The following SGCZ variants were observed in gnomAD, a reference collection of about 807,000 sequenced individuals.
SGCZ encodes sarcoglycan zeta.
SGCZ carries 40 observed loss-of-function variants against 41.3 expected under a neutral mutation model. The ratio of observed to expected loss-of-function variants is 0.97; its 90% CI spans 0.75 to 1.26. The LOEUF (loss-of-function observed/expected upper bound fraction) is 1.26. SGCZ is among the 50% of genes most tolerant of loss of function. The pLI is 0.00. For synonymous variants in SGCZ, 206 were observed against 137.5 expected, an observed-to-expected ratio of 1.50 and a Z score of -3.49; for missense variants, 552 against 369.8, an observed-to-expected ratio of 1.49 and a Z score of -4.04.
intron 1 of SGCZ, among the ~76,000 whole-genome samples, chr8:14,822,417 G>C (rs1481229143): frequency 6.6e-6 from 1 of 152,026 alleles, no homozygotes; most frequent in East Asian, 1.9e-4. Flanking sequence ...ACCACCCAAA[G>C]TGATCTACAA....
At chr8:14,264,328 G>C (rs1365294529) in intron 3 of SGCZ, among the ~76,000 whole-genome samples, 2 of 152,132 alleles carry the variant, frequency 1.3e-5, no homozygotes, top group African/African-American at 2.4e-5. Flanking sequence ...CCAGCATCGG[G>C]TCCTTCACAA....
chr8:14,252,388 T>C (rs13269878), intron 3 of SGCZ, among the ~76,000 whole-genome samples: 101,586 of 151,846 alleles, frequency 0.67, 34,395 homozygotes, highest in South Asian at 0.78. Context: ...TTCTGAAGCA[T>C]TGATACATAT....
chr8:14,384,180 T>C (rs1804480605), intron 2 of SGCZ, among the ~76,000 whole-genome samples: 1 of 152,064 alleles, frequency 6.6e-6, no homozygotes, highest in South Asian at 2.1e-4. Flanking sequence ...GTGTTCTCAT[T>C]GTTCAATTCC....
At chr8:15,204,287 T>C (rs764504338) in intron 1 of SGCZ, among the ~76,000 whole-genome samples, 21 of 152,170 alleles carry the variant, frequency 1.4e-4, no homozygotes, top group Non-Finnish European at 2.5e-4. Flanking sequence ...CAAATAACAT[T>C]TTCTCCAACT....
intron 2 of SGCZ, among the ~76,000 whole-genome samples, chr8:14,386,447 A>G (rs1804581380): frequency 6.6e-6 from 1 of 152,208 alleles, no homozygotes; most frequent in African/African-American, 2.4e-5. Flanking sequence ...TGGCTGCAAC[A>G]GTTGTATATT....
At chr8:14,994,007 C>T (rs1370389579) in intron 1 of SGCZ, among the ~76,000 whole-genome samples, 2 of 152,154 alleles carry the variant, frequency 1.3e-5, no homozygotes, top group Non-Finnish European at 2.9e-5. Flanking sequence ...AGCAATCCAG[C>T]TGAGAATACA....
At chr8:14,323,549 C>A (rs1196098531) in intron 3 of SGCZ, among the ~76,000 whole-genome samples, 1 of 152,020 alleles carries the variant, frequency 6.6e-6, no homozygotes, top group Non-Finnish European at 1.5e-5. Flanking sequence ...AAGCTACAAT[C>A]TTAATTTTTA....
At chr8:15,218,357 T>G (rs1801485593) in intron 1 of SGCZ, among the ~76,000 whole-genome samples, 2 of 152,172 alleles carry the variant, frequency 1.3e-5, no homozygotes, top group East Asian at 1.9e-4. Context: ...GTAGTTAAAC[T>G]TGGTGAGATG....
chr8:14,944,559 T>A lies in SGCZ; in HGVS notation c.39+293026A>T, dbSNP rs150299303. 3.2e-3 allele frequency among the ~76,000 whole-genome samples: 485 copies of A among 152,206 alleles called. 3 individuals carry two copies. The highest frequency in any genetic ancestry group is 0.011 in the African/African-American group (463 of 41,540). Reference sequence around the variant, plus strand: ...AAAGTAGTTAAAAATGTAAATAAAATCCAACAGAATGCAGTTTACTAGTAA... The same window carrying A: ...AAAGTAGTTAAAAATGTAAATAAAAACCAACAGAATGCAGTTTACTAGTAA... On this transcript the variant is annotated intron_variant, in intron 1 of 7. Coordinates refer to ENST00000382080, the MANE Select transcript of SGCZ (RefSeq NM_139167.4).
intron 2 of SGCZ, among the ~76,000 whole-genome samples, chr8:14,486,739 A>G (rs1404035387): frequency 1.3e-5 from 2 of 152,010 alleles, no homozygotes; most frequent in Non-Finnish European, 2.9e-5. Context: ...TACCCAGCTA[A>G]TTTACTCCTG....
chr8:15,097,870 A>ATATATATACGTGTG (rs1563124062), intron 1 of SGCZ, among the ~76,000 whole-genome samples: 8 of 23,758 alleles, frequency 3.4e-4, no homozygotes, highest in African/African-American at 7.9e-4. Context: ...GTGTGTGTAT[A>ATATATATACGTGTG]TATATATATA....
chr8:14,428,099 T>TAC (rs761741673), intron 2 of SGCZ, among the ~76,000 whole-genome samples: 596 of 22,498 alleles, frequency 0.026, 3 homozygotes, highest in Admixed American at 0.057. Flanking sequence ...AATGGTTGTA[T>TAC]ATACACACAC....
At chr8:15,185,453 T>C (rs556118744) in intron 1 of SGCZ, among the ~76,000 whole-genome samples, 6 of 152,340 alleles carry the variant, frequency 3.9e-5, no homozygotes, top group African/African-American at 7.2e-5. Context: ...CTGCAAGATA[T>C]CTAGTTTGAC....
chr8:15,089,469 A>T (rs6530832), intron 1 of SGCZ, among the ~76,000 whole-genome samples: 29,931 of 151,712 alleles, frequency 0.2, 4,149 homozygotes, highest in African/African-American at 0.39. Flanking sequence ...TCTTTTTTTT[A>T]ATGAGACTTT....
At chr8:15,049,885 G>C (rs747058641) in intron 1 of SGCZ, among the ~76,000 whole-genome samples, 21 of 152,256 alleles carry the variant, frequency 1.4e-4, no homozygotes, top group Non-Finnish European at 2.2e-4. Flanking sequence ...CACCATATAA[G>C]AGGTGACTTT....
intron 1 of SGCZ, among the ~76,000 whole-genome samples, chr8:14,661,943 C>G (rs193045991): frequency 1.5e-3 from 228 of 152,090 alleles, no homozygotes; most frequent in African/African-American, 5.2e-3. Context: ...TTTAAATACA[C>G]AAGCATTTTC....
chr8:14,813,282 T>C (rs1801789536), intron 1 of SGCZ, among the ~76,000 whole-genome samples: 2 of 152,182 alleles, frequency 1.3e-5, no homozygotes, highest in African/African-American at 4.8e-5. Context: ...ATTCACGTCG[T>C]ATGAAATTTC....
intron 2 of SGCZ, among the ~76,000 whole-genome samples, chr8:14,550,036 G>A (rs1407316475): frequency 1.3e-5 from 2 of 151,940 alleles, no homozygotes; most frequent in African/African-American, 2.4e-5. Flanking sequence ...CCTTCTAGAC[G>A]CTAGAACCTA....
intron 4 of SGCZ, among the ~76,000 whole-genome samples, chr8:14,232,700 C>T (rs1238672716): frequency 6.6e-6 from 1 of 151,908 alleles, no homozygotes; most frequent in Non-Finnish European, 1.5e-5. Context: ...GTGCTGCACC[C>T]ATTAACTCGT....
Sources: allele counts gnomAD v4.1 joint callset (sites outside exome capture counted in the v4.1 genomes callset), GRCh38; gene constraint gnomAD v4.1.1; transcripts MANE v1.5; gene names NCBI Gene and HGNC (gene_info 2026-07-23, HGNC 2026-07-21).